The following REELD1 variants were observed in gnomAD, a reference collection of about 807,000 sequenced individuals.
REELD1 encodes the protein reelin domain-containing protein 1.
A neutral mutation model predicts 6.3 loss-of-function variants in REELD1; 12 were observed. The ratio of observed to expected loss-of-function variants is 1.89; its 90% confidence interval spans 1.21 to 3.07. The LOEUF (loss-of-function observed/expected upper bound fraction) is 3.07, where lower values mean the gene tolerates loss of function less well. Among genes scored for constraint, REELD1 ranks in the 30% most tolerant of loss-of-function variants. The pLI is 0.00. For synonymous variants in REELD1, 57 were observed against 33.6 expected, an observed-to-expected ratio of 1.70 and a Z score of -2.42; for missense variants, 163 against 86.8, an observed-to-expected ratio of 1.88 and a Z score of -3.49.
At chr4:146,216,026 C>T (rs191515583) in intron 2 of REELD1, among the ~76,000 whole-genome samples, 24 of 152,324 alleles carry the variant, frequency 1.6e-4, no homozygotes, top group Middle Eastern at 3.4e-3. Context: ...GCTAGGATTA[C>T]AGGCGTGAGC....
intron 5 of REELD1, among the ~76,000 whole-genome samples, chr4:146,227,362 C>A (rs1731043519): frequency 6.6e-6 from 1 of 152,204 alleles, no homozygotes; most frequent in Non-Finnish European, 1.5e-5. Flanking sequence ...CATAAAGAAC[C>A]TGGAGCCCTG....
At chr4:146,229,256 A>T (rs1050015594) in intron 7 of REELD1, among the ~76,000 whole-genome samples, 168 bp downstream of exon 7, 4 of 152,210 alleles carry the variant, frequency 2.6e-5, no homozygotes, top group Non-Finnish European at 5.9e-5. Flanking sequence ...CCTTTCCATT[A>T]TATGCAGTGT....
chr4:146,228,584 A>G (rs1032252591), intron 6 of REELD1, 62 bp downstream of exon 6: 3 of 629,328 alleles, frequency 4.8e-6, no homozygotes, highest in Non-Finnish European at 8.5e-6. Context: ...ACTGGAGTGC[A>G]TCATGTGGAG....
Position 146,231,791 on chromosome 4 carries a change from T to C in REELD1, c.*1278T>C, listed in dbSNP as rs973824041. 1 of 152,270 alleles carries C rather than the reference T, an allele frequency of 6.6e-6. No individual in the cohort carries two copies. Among genetic ancestry groups the C allele is most frequent in the Admixed American group, 6.5e-5 (1 of 15,298 alleles). 9.4% of individuals were successfully genotyped at this position (152,270 alleles called of 1,614,324 possible). A position where few individuals can be genotyped will look rare whatever the true frequency, so the allele number is the denominator to read the frequency against. Reference sequence around the variant, plus strand: ...CCTCAATTTAACAATTTTTAAAAATTGAGTGTTCAGGAAAGAGACAGCTCC... The same window carrying C: ...CCTCAATTTAACAATTTTTAAAAATCGAGTGTTCAGGAAAGAGACAGCTCC... On this transcript the variant is annotated 3_prime_UTR_variant, in exon 8 of 8. Transcript: ENST00000623665.
At chr4:146,222,769 CA>C (rs1730946315) in intron 4 of REELD1, among the ~76,000 whole-genome samples, 190 bp downstream of exon 4, 1 of 152,172 alleles carries the variant, frequency 6.6e-6, no homozygotes, top group African/African-American at 2.4e-5. Flanking sequence ...ATATTGCCCC[CA>C]AACTCATCCC....
chr4:146,217,611 C>T (rs186950756), intron 3 of REELD1, among the ~76,000 whole-genome samples: 5 of 152,270 alleles, frequency 3.3e-5, no homozygotes, highest in Admixed American at 1.3e-4. Flanking sequence ...ATAAAAACCA[C>T]ATGATAACTA....
intron 2 of REELD1, among the ~76,000 whole-genome samples, chr4:146,215,856 T>G (rs1342762293): frequency 1.3e-5 from 2 of 151,788 alleles, no homozygotes; most frequent in Non-Finnish European, 2.9e-5. Context: ...GTTCAAGCAA[T>G]TCTCCTGCCT....
chr4:146,227,711 A>G (rs556544850), intron 5 of REELD1, among the ~76,000 whole-genome samples: 1 of 152,334 alleles, frequency 6.6e-6, no homozygotes, highest in South Asian at 2.1e-4. Flanking sequence ...AGCCAGTCAC[A>G]AATGGGAAAT....
chr4:146,228,828 G>A (rs767715608), intron 6 of REELD1, among the ~76,000 whole-genome samples, 197 bp from the exon 7 acceptor site: 2 of 151,962 alleles, frequency 1.3e-5, no homozygotes, highest in Non-Finnish European at 2.9e-5. Context: ...AAAATAATAA[G>A]CGACAGCATT....
At chr4:146,226,742 T>C (rs1486378974) in intron 5 of REELD1, among the ~76,000 whole-genome samples, 2 of 152,216 alleles carry the variant, frequency 1.3e-5, no homozygotes, top group Admixed American at 6.5e-5. Context: ...GCGGCAAATA[T>C]AATTGCTTCC....
At chr4:146,222,297 A>G (rs1444331588) in intron 3 of REELD1, 60 bp from the exon 4 acceptor site, 1 of 398,210 alleles carries the variant, frequency 2.5e-6, no homozygotes, top group African/African-American at 2.1e-5. Flanking sequence ...AAAGCTGCAT[A>G]AAATCACCAC....
rs1245184399 is a variant in REELD1 at position 146,214,640 on chromosome 4, G to A, written c.-189G>A. 2 of 152,216 alleles carry A rather than the reference G, an allele frequency of 1.3e-5. No individual in the cohort carries two copies. The highest frequency in any genetic ancestry group is 2.9e-5 in the Non-Finnish European group (2 of 68,060). 9.4% of individuals were successfully genotyped at this position (152,216 alleles called of 1,614,324 possible). ...ATACTTATGTTTAAGGGATGTGTTT[G>A]CAACTCTGCGGGAGGAAGCCATTCT... On this transcript the variant is annotated 5_prime_UTR_variant, in exon 1 of 8. Coordinates refer to ENST00000623665, the MANE Select transcript of REELD1 (RefSeq NM_001354631.1).
At chr4:146,220,086 GCA>G (rs1474272037) in intron 3 of REELD1, among the ~76,000 whole-genome samples, 1 of 152,146 alleles carries the variant, frequency 6.6e-6, no homozygotes, top group East Asian at 1.9e-4. Flanking sequence ...GGGACTACAG[GCA>G]CCCACCACCA....
chr4:146,217,273 C>T (rs540625375), intron 3 of REELD1, 113 bp downstream of exon 3: 5 of 396,826 alleles, frequency 1.3e-5, no homozygotes, highest in South Asian at 1.4e-4. Context: ...GGCTTAATCC[C>T]TTTTTTTTGT....
rs140862073 is a variant in REELD1 at position 146,225,448 on chromosome 4, C to G, written c.595+840C>G. On this transcript the variant is annotated intron_variant, in intron 5 of 7. Transcript: ENST00000623665. ...TCCAATCAGAATCCCTGCCTCTTCT[C>G]AGTCTAGCAGACCCAGGTACAGAGA... Among the ~76,000 whole-genome samples, 26 of 152,300 alleles carry G rather than the reference C, an allele frequency of 1.7e-4. No homozygotes were observed. The East Asian group carries it at 5.0e-3, about 29-fold the overall frequency.
chr4:146,219,012 A>G (rs962458876), intron 3 of REELD1, among the ~76,000 whole-genome samples: 6 of 152,144 alleles, frequency 3.9e-5, no homozygotes, highest in Admixed American at 6.6e-5. Context: ...TTAGCCAGGC[A>G]TGGTGGCTTG....
chr4:146,217,282 G>A (rs146025236), intron 3 of REELD1, 122 bp downstream of exon 3: 56 of 396,234 alleles, frequency 1.4e-4, no homozygotes, highest in African/African-American at 1.0e-3. Flanking sequence ...CCTTTTTTTT[G>A]TTTTTTGTAG....
At chr4:146,221,688 G>A (rs1315943673) in intron 3 of REELD1, among the ~76,000 whole-genome samples, 1 of 152,178 alleles carries the variant, frequency 6.6e-6, no homozygotes, top group African/African-American at 2.4e-5. Flanking sequence ...ATGAAACCCT[G>A]TCTCTACTGA....
At position 146,224,578 on chromosome 4, in the gene REELD1, A is replaced by G. The variant is rs1465253460; in HGVS notation, c.565A>G (p.Arg189Gly). 1 of 702,134 alleles carries G rather than the reference A, an allele frequency of 1.4e-6. No individual in the cohort carries two copies. Among genetic ancestry groups the G allele is most frequent in the East Asian group, 2.7e-5 (1 of 37,302 alleles). The allele number at this position is 702,134 out of a possible 1,614,324, so 43.5% of individuals were successfully genotyped here. Residue 189 changes from arginine (R) to glycine (G), a missense_variant, in exon 5 of 8, where the codon AGG becomes GGG. By Grantham distance (125) the Arg-to-Gly change is moderately radical. Coordinates refer to ENST00000623665, the MANE Select transcript of REELD1 (RefSeq NM_001354631.1). ...PRLLMPNLHQRLGDVEGAAPA... is the reference protein window; with the variant it reads ...PRLLMPNLHQGLGDVEGAAPA... ...ATTGCTGATGCCAAACCTTCACCAG[A>G]GGCTGGGCGATGTTGAAGGAGCTGC...
Sources: gnomAD v4.1 joint callset for allele counts (sites outside exome capture counted in the v4.1 genomes callset) on GRCh38, gnomAD v4.1.1 for gene constraint, MANE v1.5 for transcripts, NCBI Gene and HGNC (gene_info 2026-07-23, HGNC 2026-07-21) for gene names.